Variants in HYAL3 observed in about 807,000 individuals in gnomAD.
HYAL3 encodes hyaluronidase-3.
HYAL3 carries 25 observed loss-of-function variants against 29.6 expected under a neutral mutation model. The ratio of observed to expected loss-of-function variants is 0.85; its 90% CI spans 0.62 to 1.18. The LOEUF (loss-of-function observed/expected upper bound fraction) is 1.18. Ranked by LOEUF, HYAL3 falls within the 50% of genes most tolerant of loss-of-function variation. The pLI is 0.00. For synonymous variants in HYAL3, 215 were observed against 218.3 expected (o/e 0.99, Z 0.13); for missense variants, 442 against 548.4 (o/e 0.81, Z 1.94).
chr3:50,293,138 T>C lies in HYAL3; in HGVS notation c.*108A>G. 2 of 1,548,022 alleles carry C rather than the reference T, an allele frequency of 1.3e-6. No homozygotes were observed. The highest frequency in any genetic ancestry group is 1.8e-6 in the Non-Finnish European group (2 of 1,122,990). On this transcript the variant is annotated 3_prime_UTR_variant, in exon 4 of 4. Transcript: ENST00000336307. ...ATTCCAAGGGAAGCGGGGTGTGTGC[T>C]TGGGAGGGTTGACTGTAAACTGAAT...
intron 2 of HYAL3, among the ~76,000 whole-genome samples, chr3:50,294,038 C>T (rs1414444531): frequency 1.3e-5 from 2 of 152,198 alleles, no homozygotes; most frequent in African/African-American, 4.8e-5. Context: ...CAGTGGCTCA[C>T]ACCTGTAATC....
At chr3:50,296,821 C>T in intron 1 of HYAL3, 3 of 1,582,478 alleles carry the variant, frequency 1.9e-6, no homozygotes, top group South Asian at 2.3e-5. Context: ...GGAGAGGGGG[C>T]TGTGGGGAAG....
At chr3:50,295,662 G>T in intron 1 of HYAL3, 43 bp from the exon 2 acceptor site, 1 of 1,455,726 alleles carries the variant, frequency 6.9e-7, no homozygotes. Flanking sequence ...CCGCAGCTAT[G>T]GCCACACCTT....
At position 50,297,557 on chromosome 3, in the gene HYAL3, C is replaced by G. The variant is rs782108455; in HGVS notation, c.-18+1656G>C. The G allele has an allele frequency of 6.7e-7, 1 of 1,502,944 alleles. No individual in the cohort carries two copies. Among genetic ancestry groups the G allele is most frequent in the Non-Finnish European group, 8.9e-7 (1 of 1,125,222 alleles). The allele number at this position is 1,502,944 out of a possible 1,614,324, so 93.1% of individuals were successfully genotyped here. ...GCACAGGATCCAGGTTCAGCTGAGT[C>G]AGGCTGGGAGCCAAGGTCACCTGCT... is the stretch of plus-strand genomic sequence containing the variant. On this transcript the variant is annotated intron_variant, in intron 1 of 3. Coordinates refer to ENST00000336307, the MANE Select transcript of HYAL3 (RefSeq NM_003549.4). The surrounding 1 kb of genome is among the most constrained non-coding windows in gnomAD (Gnocchi z 4.3).
In HYAL3 at chr3:50,293,067, C is replaced by T. The variant is rs1701718088; in HGVS notation, c.*179G>A. Reference sequence around the variant, plus strand: ...GAGGACTCACATGATCTCAGAGGGCCTCTGGTTTTATAAGCGTTTTTTCTG... The same window carrying T: ...GAGGACTCACATGATCTCAGAGGGCTTCTGGTTTTATAAGCGTTTTTTCTG... On this transcript the variant is annotated 3_prime_UTR_variant, in exon 4 of 4. Coordinates refer to ENST00000336307, the MANE Select transcript of HYAL3 (RefSeq NM_003549.4). The T allele has an allele frequency of 2.1e-6, 3 of 1,424,178 alleles. No homozygotes were observed. The highest frequency in any genetic ancestry group is 2.9e-6 in the Non-Finnish European group (3 of 1,024,130). 88.2% of individuals were successfully genotyped at this position (1,424,178 alleles called of 1,614,324 possible).
rs1701724187 is a variant in HYAL3 at position 50,293,274 on chromosome 3, G to A, written c.1226C>T (p.Pro409Leu). Reference sequence around the variant, plus strand: ...TACTGCTTCTTTAGGCCCAGGCCTGGGCTCCTGGCAGGTGGGGCCAGCCCA... The same window carrying A: ...TACTGCTTCTTTAGGCCCAGGCCTGAGCTCCTGGCAGGTGGGGCCAGCCCA... ...WGWAGPTCQE[P>L]RPGPKEAV The change falls in exon 4 of 4, where the codon CCC becomes CTC. Residue 409 changes from proline (P) to leucine (L), a missense_variant. Physicochemically the swap from Pro to Leu is moderately conservative, Grantham distance 98. Transcript: ENST00000336307. 1 of 1,613,212 alleles carries A rather than the reference G, an allele frequency of 6.2e-7. No homozygotes were observed. Among genetic ancestry groups the A allele is most frequent in the Non-Finnish European group, 8.5e-7 (1 of 1,180,034 alleles).
chr3:50,294,599 T>G, intron 2 of HYAL3, 110 bp downstream of exon 2: 9 of 921,832 alleles, frequency 9.8e-6, no homozygotes, highest in Non-Finnish European at 1.2e-5. Flanking sequence ...GGCCTTCCGC[T>G]GAGAACGCCT....
chr3:50,293,602 A>G (rs1701740671), intron 3 of HYAL3, 30 bp downstream of exon 3: 1 of 1,613,560 alleles, frequency 6.2e-7, no homozygotes, highest in Non-Finnish European at 8.5e-7. Flanking sequence ...AGCATGTGCT[A>G]CATGGCAGGC....
Position 50,294,693 on chromosome 3 carries a change from C to G in HYAL3, c.894+16G>C, listed in dbSNP as rs1348799222. The G allele has an allele frequency of 6.7e-7, 1 of 1,499,596 alleles. No individual in the cohort carries two copies. Among genetic ancestry groups the G allele is most frequent in the East Asian group, 2.3e-5 (1 of 43,702 alleles). 92.9% of individuals were successfully genotyped at this position (1,499,596 alleles called of 1,614,324 possible). On this transcript the variant is annotated intron_variant, in intron 2 of 3. Transcript: ENST00000336307. ...TACCTCCTGACTCAGACCCCTAGAC[C>G]TCAGCTTCCACTTACCTGGGACAGG...
intron 1 of HYAL3, chr3:50,296,625 A>G: frequency 2.5e-6 from 4 of 1,614,032 alleles, no homozygotes; most frequent in Non-Finnish European, 3.4e-6. Context: ...TTCCATCCAG[A>G]ATATGGGGCG....
chr3:50,297,268 G>A lies in HYAL3; in HGVS notation c.-17-1649C>T. 2 of 1,609,126 alleles carry A rather than the reference G, an allele frequency of 1.2e-6. No homozygotes were observed. The highest frequency in any genetic ancestry group is 2.2e-5 in the East Asian group (1 of 44,782). Reference sequence around the variant, plus strand: ...GCATCCAGGAGCTCGGGTCGGCGGTGCACAGGCTCCAGGGTCAACTCAGCC... The same window carrying A: ...GCATCCAGGAGCTCGGGTCGGCGGTACACAGGCTCCAGGGTCAACTCAGCC... On this transcript the variant is annotated intron_variant, in intron 1 of 3. Coordinates refer to ENST00000336307, the MANE Select transcript of HYAL3 (RefSeq NM_003549.4). The surrounding 1 kb of genome is among the most constrained non-coding windows in gnomAD (Gnocchi z 4.3).
chr3:50,295,733 C>T (rs1346365409), intron 1 of HYAL3, 114 bp from the exon 2 acceptor site: 4 of 889,520 alleles, frequency 4.5e-6, no homozygotes, highest in African/African-American at 1.7e-5. Context: ...ACAGGAGGAG[C>T]TGGGGAAAGC....
In HYAL3 at chr3:50,293,655, C is replaced by G; in HGVS notation, c.961G>C (p.Asp321His). 1 of 1,613,716 alleles carries G rather than the reference C, an allele frequency of 6.2e-7. No individual in the cohort carries two copies. Among genetic ancestry groups the G allele is most frequent in the Non-Finnish European group, 8.5e-7 (1 of 1,179,924 alleles). Reference protein sequence around the residue: ...LGAAGVVLWGDLSLSSSEEEC... With the variant: ...LGAAGVVLWGHLSLSSSEEEC... ...ACCTCAGAGCTGGAGAGGCTCAGGT[C>G]CCCCCAGAGCACCACGCCGGCTGCC... is the stretch of plus-strand genomic sequence containing the variant. The change falls in exon 3 of 4, where the codon GAC (aspartate) becomes CAC (histidine). Residue 321 changes from aspartate to histidine, a missense_variant. By Grantham distance (81) the Asp-to-His change is moderately conservative. Coordinates refer to ENST00000336307, the MANE Select transcript of HYAL3 (RefSeq NM_003549.4).
Position 50,298,000 on chromosome 3 carries a change from G to C in HYAL3, c.-18+1213C>G. 1 of 986,778 alleles carries C rather than the reference G, an allele frequency of 1.0e-6. No individual in the cohort carries two copies. Among genetic ancestry groups the C allele is most frequent in the Non-Finnish European group, 1.2e-6 (1 of 831,012 alleles). 61.1% of individuals were successfully genotyped at this position (986,778 alleles called of 1,614,324 possible). ...CTCCTCAGGACCTCCCCTCACAGGG[G>C]GTCTGTAACCACCAGGTCTATAAAA... is the stretch of plus-strand genomic sequence containing the variant. On this transcript the variant is annotated intron_variant, in intron 1 of 3. Coordinates refer to ENST00000336307, the MANE Select transcript of HYAL3 (RefSeq NM_003549.4). This position sits in a 1 kb window ranked among gnomAD's most constrained non-coding sequence, Gnocchi z 4.3.
At position 50,292,897 on chromosome 3, in the gene HYAL3, G is replaced by A. The variant is rs372702706; in HGVS notation, c.*349C>T. 31 of 1,494,736 alleles carry A rather than the reference G, an allele frequency of 2.1e-5. No homozygotes were observed. The highest frequency in any genetic ancestry group is 2.6e-5 in the Non-Finnish European group (29 of 1,114,152). 92.6% of individuals were successfully genotyped at this position (1,494,736 alleles called of 1,614,324 possible). On this transcript the variant is annotated 3_prime_UTR_variant, in exon 4 of 4. Coordinates refer to ENST00000336307, the MANE Select transcript of HYAL3 (RefSeq NM_003549.4). ...ACAGCTTAGCACTTTACCGACCTTC[G>A]CCAAGATTTTTTGGGGCCCATCTGC...
Position 50,295,122 on chromosome 3 carries a change from C to T in HYAL3, c.481G>A (p.Asp161Asn), listed in dbSNP as rs782648085. The T allele has an allele frequency of 2.5e-6, 4 of 1,613,592 alleles. No homozygotes were observed. The highest frequency in any genetic ancestry group is 3.4e-6 in the Non-Finnish European group (4 of 1,180,026). ...AWAQQVFPDL[D>N]PQEQLYKAYT... ...GCCTTGTAGAGCTGCTCCTGAGGGT[C>T]CAGGTCAGGGAATACCTGCTGTGCC... Residue 161 changes from aspartate (D) to asparagine (N), a missense_variant, in exon 2 of 4, where the codon GAC becomes AAC. Physicochemically the swap from Asp to Asn is conservative, Grantham distance 23. Coordinates refer to ENST00000336307, the MANE Select transcript of HYAL3 (RefSeq NM_003549.4).
At chr3:50,298,305 G>C (rs1451309317) in intron 1 of HYAL3, among the ~76,000 whole-genome samples, 3 of 151,944 alleles carry the variant, frequency 2.0e-5, no homozygotes, top group Non-Finnish European at 4.4e-5. Flanking sequence ...GCTGAGCTTT[G>C]GCCTGTCTTG....
Position 50,294,906 on chromosome 3 carries a change from A to G in HYAL3, c.697T>C (p.Trp233Arg), listed in dbSNP as rs1553710732. The G allele has an allele frequency of 1.3e-6, 2 of 1,585,690 alleles. No individual in the cohort carries two copies. Among genetic ancestry groups the G allele is most frequent in the Admixed American group, 3.4e-5 (2 of 58,718 alleles). The change falls in exon 2 of 4, where the codon TGG (tryptophan) becomes CGG (arginine). Residue 233 changes from tryptophan to arginine, a missense_variant. Physicochemically the swap from Trp to Arg is moderately radical, Grantham distance 101 (BLOSUM62 -3). Coordinates refer to ENST00000336307, the MANE Select transcript of HYAL3 (RefSeq NM_003549.4). Reference protein sequence around the residue: ...ATLARNTQLHWLWAASSALFP... With the variant: ...ATLARNTQLHRLWAASSALFP... Reference sequence around the variant, plus strand: ...AGGGCACTGGAGGCGGCCCAGAGCCAATGCAGTTGAGTGTTGCGGGCAAGG... The same window carrying G: ...AGGGCACTGGAGGCGGCCCAGAGCCGATGCAGTTGAGTGTTGCGGGCAAGG...
chr3:50,294,673 C>T, intron 2 of HYAL3, 36 bp downstream of exon 2: 1 of 1,481,096 alleles, frequency 6.8e-7, no homozygotes, highest in South Asian at 1.5e-5. Flanking sequence ...GGCCATACCT[C>T]CTGACTCAGA....
Sources: gnomAD v4.1 joint callset for allele counts (sites outside exome capture counted in the v4.1 genomes callset) on GRCh38, gnomAD v4.1.1 for gene constraint, Gnocchi (gnomAD v3.1) non-coding constraint, MANE v1.5 for transcripts, NCBI Gene and HGNC (gene_info 2026-07-23, HGNC 2026-07-21) for gene names.